Variants in RPL35A observed in about 807,000 individuals in gnomAD.
The protein encoded by RPL35A is large ribosomal subunit protein eL33.
Under a neutral mutation model 16.7 loss-of-function variants are expected in RPL35A, and 1 was observed. The ratio of observed to expected loss-of-function variants is 0.06; its 90% CI spans 0.02 to 0.28. RPL35A has a LOEUF of 0.28. Ranked by LOEUF, RPL35A falls within the 10% of genes least tolerant of loss-of-function variation. RPL35A has a pLI of 1.00. For synonymous variants in RPL35A, 58 were observed against 47.0 expected (o/e 1.23, Z -0.96); for missense variants, 91 against 138.7 (o/e 0.66, Z 1.73).
chr3:197,951,596 G>A (rs536471587), intron 3 of RPL35A: 30 of 400,632 alleles, frequency 7.5e-5, no homozygotes, highest in Non-Finnish European at 1.2e-4. Context: ...TAGGTGATCC[G>A]CCCACCTCGG....
At chr3:197,955,708 T>C (rs1720475533) in intron 4 of RPL35A, 42 bp from the exon 5 acceptor site, 1 of 1,506,258 alleles carries the variant, frequency 6.6e-7, no homozygotes, top group Non-Finnish European at 9.2e-7. Context: ...TAGACGTATA[T>C]ATAACATTCA....
chr3:197,951,254 G>A lies in RPL35A; in HGVS notation c.107G>A (p.Arg36Gln), dbSNP rs1407441673. 2 of 1,614,178 alleles carry A rather than the reference G, an allele frequency of 1.2e-6. No homozygotes were observed. The highest frequency in any genetic ancestry group is 1.7e-6 in the Non-Finnish European group (2 of 1,180,000). ...CTTAAAATTGAAGGTGTTTACGCCC[G>A]AGATGAAACAGAATTCTATTTGGGC... ...ALLKIEGVYA[R>Q]DETEFYLGKR... Residue 36 changes from arginine (R) to glutamine (Q), a missense_variant, in exon 3 of 5, where the codon CGA becomes CAA. Arg to Gln is a conservative substitution (Grantham distance 43, BLOSUM62 1). Transcript: ENST00000647248.
intron 4 of RPL35A, chr3:197,954,433 A>G: frequency 2.2e-6 from 1 of 453,766 alleles, no homozygotes; most frequent in Non-Finnish European, 4.1e-6. Flanking sequence ...TCCTGGGTTC[A>G]AGCAATCCTT....
intron 4 of RPL35A, chr3:197,954,522 T>C (rs1720380714): frequency 3.0e-6 from 1 of 336,894 alleles, no homozygotes; most frequent in Non-Finnish European, 5.7e-6. Context: ...TTTGTTGTGT[T>C]TTTTTGAGAC....
chr3:197,954,964 C>A (rs1720415172), intron 4 of RPL35A, among the ~76,000 whole-genome samples: 1 of 152,170 alleles, frequency 6.6e-6, no homozygotes, highest in African/African-American at 2.4e-5. Context: ...TTATTTTGTA[C>A]ATGAAGAAAA....
intron 4 of RPL35A, 110 bp from the exon 5 acceptor site, chr3:197,955,640 C>A: frequency 1.0e-6 from 1 of 988,730 alleles, no homozygotes; most frequent in Non-Finnish European, 1.6e-6. Flanking sequence ...TTCCTTACCA[C>A]TAGAACATGT....
chr3:197,955,062 A>G (rs1267592475), intron 4 of RPL35A, among the ~76,000 whole-genome samples: 1 of 152,020 alleles, frequency 6.6e-6, no homozygotes, highest in Non-Finnish European at 1.5e-5. Flanking sequence ...TTTTTCTCAA[A>G]TAGTTCGTAC....
chr3:197,950,393 T>G, intron 1 of RPL35A, 172 bp downstream of exon 1: 1 of 1,126,204 alleles, frequency 8.9e-7, no homozygotes, highest in Non-Finnish European at 1.1e-6. Context: ...TGGTGTTTGG[T>G]CCCCTGACAC....
chr3:197,951,992 T>A (rs1359569657), intron 3 of RPL35A, among the ~76,000 whole-genome samples: 1 of 152,028 alleles, frequency 6.6e-6, no homozygotes, highest in Non-Finnish European at 1.5e-5. Context: ...CTTCTGAGGG[T>A]GGTGTTGGAT....
At chr3:197,955,465 T>C (rs1056913540) in intron 4 of RPL35A, among the ~76,000 whole-genome samples, 26 of 152,240 alleles carry the variant, frequency 1.7e-4, no homozygotes, top group African/African-American at 6.3e-4. Flanking sequence ...GGTTTTACCA[T>C]GTTGGCCAGG....
chr3:197,953,448 A>G (rs1720282637), intron 3 of RPL35A: 1 of 456,582 alleles, frequency 2.2e-6, no homozygotes, highest in African/African-American at 2.0e-5. Context: ...CATTCAGTAA[A>G]AGCCCGTCAT....
Position 197,955,825 on chromosome 3 carries a change from G to C in RPL35A, c.*52G>C, listed in dbSNP as rs561776924. The C allele has an allele frequency of 1.4e-6, 2 of 1,449,260 alleles. No homozygotes were observed. Among genetic ancestry groups the C allele is most frequent in the Non-Finnish European group, 1.9e-6 (2 of 1,032,426 alleles). 89.8% of individuals were successfully genotyped at this position (1,449,260 alleles called of 1,614,324 possible). On this transcript the variant is annotated 3_prime_UTR_variant, in exon 5 of 5. Coordinates refer to ENST00000647248, the MANE Select transcript of RPL35A (RefSeq NM_000996.4). ...TGGATTTGTGCTCTTGTATTTTTAA[G>C]TGGATTAAAAAACTTACTACCTTAA... is the stretch of plus-strand genomic sequence containing the variant.
chr3:197,953,846 A>G, intron 3 of RPL35A, 157 bp from the exon 4 acceptor site: 1 of 724,200 alleles, frequency 1.4e-6, no homozygotes, highest in Non-Finnish European at 2.5e-6. Context: ...TAGTTACTCG[A>G]TAAGTATCTG....
intron 1 of RPL35A, 72 bp from the exon 2 acceptor site, chr3:197,950,864 C>A: frequency 6.9e-7 from 1 of 1,439,654 alleles, no homozygotes; most frequent in South Asian, 1.2e-5. Flanking sequence ...GCTTTAGGGG[C>A]TTAAACGAGA....
rs78958734 is a variant in RPL35A, at chr3:197,954,356, C to A, written c.309+209C>A. On this transcript the variant is annotated intron_variant, in intron 4 of 4. Transcript: ENST00000647248. The stretch of plus-strand genomic sequence containing the variant: ...TTTTTGTTTTTTTTTTGGGGGGAGA[C>A]AGGGTCTCACTTTGTCACCCAGGCT... The A allele has an allele frequency of 0.052, 31,399 of 602,446 alleles. 1,024 individuals are homozygous for A. The highest frequency in any genetic ancestry group is 0.087 in the South Asian group (4,421 of 50,982). The allele number at this position is 602,446 out of a possible 1,614,324, so 37.3% of individuals were successfully genotyped here.
chr3:197,955,619 C>A, intron 4 of RPL35A, 131 bp from the exon 5 acceptor site: 1 of 808,382 alleles, frequency 1.2e-6, no homozygotes, highest in Non-Finnish European at 2.2e-6. Context: ...AGACTGAAGG[C>A]TATAAAAACT....
At chr3:197,950,253 G>T in intron 1 of RPL35A, 32 bp downstream of exon 1, 1 of 1,230,498 alleles carries the variant, frequency 8.1e-7, no homozygotes, top group South Asian at 4.2e-5. Context: ...GAAATTTGGG[G>T]GCAAATAACC....
chr3:197,952,111 T>G (rs1241354716), intron 3 of RPL35A, among the ~76,000 whole-genome samples: 2 of 152,018 alleles, frequency 1.3e-5, no homozygotes, highest in East Asian at 3.8e-4. Context: ...AATTTAAGGA[T>G]TTTTAGAACA....
rs1720541312 is a variant in RPL35A at position 197,956,606 on chromosome 3, C to T, written c.*833C>T. 2 of 149,120 alleles carry T rather than the reference C, an allele frequency of 1.3e-5. No homozygotes were observed. Among genetic ancestry groups the T allele is most frequent in the Non-Finnish European group, 3.0e-5 (2 of 67,542 alleles). The allele number at this position is 149,120 out of a possible 1,614,324, so 9.2% of individuals were successfully genotyped here. A position where few individuals can be genotyped will look rare whatever the true frequency, so the allele number is the denominator to read the frequency against. On this transcript the variant is annotated 3_prime_UTR_variant, in exon 5 of 5. Transcript: ENST00000647248. ...ATATGCTAAAATAAAACAACTAAGG[C>T]ATCAGTTTTGCTGTATGGTTTTTTT...
Sources: gnomAD v4.1 joint callset for allele counts (sites outside exome capture counted in the v4.1 genomes callset) on GRCh38, gnomAD v4.1.1 for gene constraint, MANE v1.5 for transcripts, NCBI Gene and HGNC (gene_info 2026-07-23, HGNC 2026-07-21) for gene names.